The following GALNT6 variants were observed in gnomAD, a reference collection of about 807,000 sequenced individuals.
GALNT6 encodes the protein GalNAc transferase 6.
GALNT6 carries 51 observed loss-of-function variants against 65.9 expected under a neutral mutation model. The observed-to-expected ratio is 0.77, with a 90% CI of 0.62 to 0.98. The LOEUF (loss-of-function observed/expected upper bound fraction) is 0.98. Among genes scored for constraint, GALNT6 ranks in the 50% least tolerant of loss-of-function variants. GALNT6 has a pLI of 0.00. For synonymous variants in GALNT6, 323 were observed against 315.1 expected (o/e 1.02, Z -0.26); for missense variants, 708 against 803.3 (o/e 0.88, Z 1.43).
At chr12:51,390,563 G>A (rs1948035792) in intron 2 of GALNT6, among the ~76,000 whole-genome samples, 1 of 152,182 alleles carries the variant, frequency 6.6e-6, no homozygotes, top group African/African-American at 2.4e-5. Context: ...GATGGGAAGG[G>A]AGACAGCTCA....
intron 2 of GALNT6, among the ~76,000 whole-genome samples, chr12:51,386,680 C>T (rs1006166840): frequency 6.6e-6 from 1 of 152,168 alleles, no homozygotes; most frequent in Non-Finnish European, 1.5e-5. Flanking sequence ...ACCACTCTTA[C>T]CACGGGCACA....
chr12:51,362,280 T>G (rs1034068199), intron 6 of GALNT6, among the ~76,000 whole-genome samples: 1 of 152,052 alleles, frequency 6.6e-6, no homozygotes, highest in Non-Finnish European at 1.5e-5. Flanking sequence ...CATGGGAAGC[T>G]TCACTGTAAA....
At chr12:51,374,695 G>A (rs1172575939) in intron 4 of GALNT6, among the ~76,000 whole-genome samples, 1 of 152,088 alleles carries the variant, frequency 6.6e-6, no homozygotes, top group Non-Finnish European at 1.5e-5. Context: ...CTACGAGGAG[G>A]GCTAAGCTTG....
chr12:51,364,416 A>AT, intron 5 of GALNT6, 61 bp from the exon 6 acceptor site: 1 of 1,190,342 alleles, frequency 8.4e-7, no homozygotes, highest in Non-Finnish European at 1.2e-6. Context: ...CCCAAGCTGC[A>AT]TCCTGGAGGG....
rs748805627 is a variant in GALNT6, at chr12:51,354,391, C to T, written c.1857G>A (p.Trp619Ter). Reference sequence around the variant, plus strand: ...GATGATCTGGGTCCTAGACAAAGAGCCACAACTGATGGGGGTCACTGGGAT... The same window carrying T: ...GATGATCTGGGTCCTAGACAAAGAGTCACAACTGATGGGGGTCACTGGGAT... ...PCNPSDPHQL[W>*]LFV The change falls in exon 12 of 12, where the codon TGG becomes TGA. Residue 619 changes from tryptophan (W) to a stop codon, truncating the protein, a stop_gained. Transcript: ENST00000356317. LOFTEE classifies it high-confidence loss of function. 3.2e-6 allele frequency: 5 copies of T among 1,561,152 alleles called. No homozygotes were observed. Among genetic ancestry groups the T allele is most frequent in the Non-Finnish European group, 4.3e-6 (5 of 1,156,810 alleles).
At chr12:51,380,732 A>G (rs1947641015) in intron 2 of GALNT6, among the ~76,000 whole-genome samples, 1 of 152,178 alleles carries the variant, frequency 6.6e-6, no homozygotes, top group Non-Finnish European at 1.5e-5. Flanking sequence ...CAGAGGTTGC[A>G]GTAGGCTAGG....
chr12:51,365,862 A>G (rs1281338860), intron 4 of GALNT6, among the ~76,000 whole-genome samples: 1 of 151,956 alleles, frequency 6.6e-6, no homozygotes, highest in Non-Finnish European at 1.5e-5. Flanking sequence ...CACCCTCTCT[A>G]ATGTCAGGGA....
chr12:51,366,099 G>T (rs1947095262), intron 4 of GALNT6, among the ~76,000 whole-genome samples: 1 of 152,114 alleles, frequency 6.6e-6, no homozygotes, highest in Non-Finnish European at 1.5e-5. Flanking sequence ...TACATTTTTA[G>T]TAGAGATAGC....
chr12:51,367,418 T>C (rs1301523508), intron 4 of GALNT6, among the ~76,000 whole-genome samples: 4 of 152,172 alleles, frequency 2.6e-5, no homozygotes, highest in Admixed American at 2.0e-4. Context: ...CTGAGTGACA[T>C]AGCAAGACTT....
intron 2 of GALNT6, among the ~76,000 whole-genome samples, chr12:51,380,547 C>T (rs896257906): frequency 6.6e-6 from 1 of 152,184 alleles, no homozygotes; most frequent in Non-Finnish European, 1.5e-5. Flanking sequence ...ATATCTTGTT[C>T]TTGAATACAA....
intron 6 of GALNT6, 68 bp downstream of exon 6, chr12:51,364,053 T>C (rs138169040): frequency 5.9e-6 from 6 of 1,022,268 alleles, no homozygotes; most frequent in African/African-American, 1.6e-5. Flanking sequence ...TGATGTGAGA[T>C]GGCACAGGTT....
At chr12:51,388,922 T>G (rs1947925477) in intron 2 of GALNT6, among the ~76,000 whole-genome samples, 1 of 152,220 alleles carries the variant, frequency 6.6e-6, no homozygotes, top group African/African-American at 2.4e-5. Context: ...ACCAAGTTGT[T>G]CAGGGTACGA....
rs954829580 is a variant in GALNT6 at position 51,379,844 on chromosome 12, T to C, written c.-63A>G. On this transcript the variant is annotated 5_prime_UTR_variant, in exon 3 of 12. Coordinates refer to ENST00000356317, the MANE Select transcript of GALNT6 (RefSeq NM_007210.4). Reference sequence around the variant, plus strand: ...TGAGTCCTGAGCCCAACCCTGGAGATAGCTTGATACGTTGTGGTGGCCACA... The same window carrying C: ...TGAGTCCTGAGCCCAACCCTGGAGACAGCTTGATACGTTGTGGTGGCCACA... 2.7e-6 allele frequency: 4 copies of C among 1,495,058 alleles called. No homozygotes were observed. Among genetic ancestry groups the C allele is most frequent in the Non-Finnish European group, 3.6e-6 (4 of 1,120,010 alleles). 92.6% of individuals were successfully genotyped at this position (1,495,058 alleles called of 1,614,324 possible). A position where few individuals can be genotyped will look rare whatever the true frequency, so the allele number is the denominator to read the frequency against.
chr12:51,386,058 T>A (rs140247228), intron 2 of GALNT6, among the ~76,000 whole-genome samples: 10 of 152,364 alleles, frequency 6.6e-5, no homozygotes, highest in African/African-American at 2.4e-4. Flanking sequence ...TGTGGAGCAC[T>A]GGCTTCACTA....
At chr12:51,356,904 T>C (rs1316637787) in intron 10 of GALNT6, among the ~76,000 whole-genome samples, 1 of 152,120 alleles carries the variant, frequency 6.6e-6, no homozygotes, top group Admixed American at 6.6e-5. Flanking sequence ...ACCACTCCTT[T>C]CCCCACTCTG....
At position 51,377,353 on chromosome 12, in the gene GALNT6, T is replaced by C. The variant is rs1249604769; in HGVS notation, c.506A>G (p.Lys169Arg). 6.2e-7 allele frequency: 1 copy of C among 1,612,440 alleles called. No homozygotes were observed. Among genetic ancestry groups the C allele is most frequent in the South Asian group, 1.1e-5 (1 of 91,010 alleles). ...GGCCAGTGGGGGGCAGCGCCGGAACTTCTGGTCCACACACCTGGAAGTATG... is the reference window on the plus strand; with the variant it reads ...GGCCAGTGGGGGGCAGCGCCGGAACCTCTGGTCCACACACCTGGAAGTATG... ...DTRPPECVDQKFRRCPPLATT... is the reference protein window; with the variant it reads ...DTRPPECVDQRFRRCPPLATT... The change falls in exon 4 of 12, where the codon AAG becomes AGG. Residue 169 changes from lysine (K) to arginine (R), a missense_variant. By Grantham distance (26) the Lys-to-Arg change is conservative (BLOSUM62 2). Transcript: ENST00000356317.
Position 51,379,711 on chromosome 12 carries a change from A to G in GALNT6, c.71T>C (p.Leu24Pro). ...AMVGCAFVLF[L>P]FLLHRDVSSR... ...GCTCACATCCCTATGCAGGAGGAAG[A>G]GGAAGAGCACAAAGGCGCAGCCCAC... The change falls in exon 3 of 12, where the codon CTC (leucine) becomes CCC (proline). Residue 24 changes from leucine to proline, a missense_variant. By Grantham distance (98) the Leu-to-Pro change is moderately conservative. Coordinates refer to ENST00000356317, the MANE Select transcript of GALNT6 (RefSeq NM_007210.4). The G allele has an allele frequency of 6.2e-7, 1 of 1,614,004 alleles. No homozygotes were observed. The highest frequency in any genetic ancestry group is 8.5e-7 in the Non-Finnish European group (1 of 1,179,984).
intron 4 of GALNT6, among the ~76,000 whole-genome samples, chr12:51,376,520 C>A (rs1416338078): frequency 6.6e-6 from 1 of 151,400 alleles, no homozygotes; most frequent in Non-Finnish European, 1.5e-5. Context: ...GTAATCCCAG[C>A]TACTAGGGAG....
intron 2 of GALNT6, among the ~76,000 whole-genome samples, chr12:51,382,809 G>C (rs1216495956): frequency 1.3e-5 from 2 of 152,142 alleles, no homozygotes; most frequent in African/African-American, 4.8e-5. Context: ...AGTGTGGATG[G>C]AAGAGGGAGG....
Sources: allele counts gnomAD v4.1 joint callset (sites outside exome capture counted in the v4.1 genomes callset), GRCh38; gene constraint gnomAD v4.1.1; transcripts MANE v1.5; gene names NCBI Gene and HGNC (gene_info 2026-07-23, HGNC 2026-07-21).